Variants in RDH10 observed in about 807,000 individuals in gnomAD.
The protein encoded by RDH10 is retinol dehydrogenase 10, also known as retinol dehydrogenase 10 (all-trans).
In RDH10, 12 loss-of-function variants were observed where a neutral mutation model predicts 30.2. The observed-to-expected ratio is 0.40, with a 90% CI of 0.25 to 0.64. The LOEUF (loss-of-function observed/expected upper bound fraction) is 0.64, where lower values mean the gene tolerates loss of function less well. Ranked by LOEUF, RDH10 falls within the 30% of genes least tolerant of loss-of-function variation. RDH10 has a pLI of 0.43. For synonymous variants in RDH10, 189 were observed against 172.2 expected (o/e 1.10, Z -0.76); for missense variants, 268 against 445.2 (o/e 0.60, Z 3.58).
intron 2 of RDH10, among the ~76,000 whole-genome samples, chr8:73,298,764 G>T (rs4738316): frequency 0.014 from 2,113 of 152,236 alleles, 190 homozygotes; most frequent in Admixed American, 0.13. Flanking sequence ...CTGAGCTCAG[G>T]CAGTCCACCC....
chr8:73,322,687 T>C lies in RDH10; in HGVS notation c.779T>C (p.Ile260Thr), dbSNP rs1009581987. The change falls in exon 5 of 6, where the codon ATT (isoleucine) becomes ACT (threonine). Residue 260 changes from isoleucine (I) to threonine (T), a missense_variant. Physicochemically the swap from Ile to Thr is moderately conservative, Grantham distance 89. This residue lies in a region of RDH10 where 136 missense variants were observed against 288.8 expected (regional missense o/e 0.47). Coordinates refer to ENST00000240285, the MANE Select transcript of RDH10 (RefSeq NM_172037.5). ...MFRGCRIRKEIEPFLPPLKPD... is the reference protein window; with the variant it reads ...MFRGCRIRKETEPFLPPLKPD... ...GAATAAATAACTTTCAGGAAAGAAATTGAGCCTTTTCTGCCACCTCTGAAG... is the reference window on the plus strand; with the variant it reads ...GAATAAATAACTTTCAGGAAAGAAACTGAGCCTTTTCTGCCACCTCTGAAG... The C allele has an allele frequency of 6.2e-7, 1 of 1,608,914 alleles. No individual in the cohort carries two copies. Among genetic ancestry groups the C allele is most frequent in the Non-Finnish European group, 8.5e-7 (1 of 1,178,568 alleles).
intron 2 of RDH10, among the ~76,000 whole-genome samples, chr8:73,316,849 G>A (rs943864757): frequency 5.9e-5 from 9 of 152,104 alleles, no homozygotes; most frequent in African/African-American, 7.2e-5. Flanking sequence ...TAAACAACCC[G>A]ATCTCGCAAG....
chr8:73,297,458 C>A, intron 2 of RDH10, 29 bp downstream of exon 2: 1 of 1,485,886 alleles, frequency 6.7e-7, no homozygotes. Flanking sequence ...GTTTTCTTTG[C>A]TGGGCCCTCC....
intron 2 of RDH10, among the ~76,000 whole-genome samples, chr8:73,306,178 G>T (rs1397419056): frequency 6.6e-6 from 1 of 152,220 alleles, no homozygotes; most frequent in African/African-American, 2.4e-5. Context: ...TAGGCTGACA[G>T]AGCATGGCCT....
At chr8:73,296,876 C>A in intron 1 of RDH10, 1 of 358,042 alleles carries the variant, frequency 2.8e-6, no homozygotes, top group Admixed American at 3.8e-5. Flanking sequence ...GAGCTCTGGG[C>A]TGAGATCAGT....
intron 2 of RDH10, among the ~76,000 whole-genome samples, chr8:73,303,320 CT>C (rs1451116323): frequency 2.6e-5 from 4 of 152,216 alleles, no homozygotes; most frequent in Non-Finnish European, 5.9e-5. Context: ...ATCTCACATA[CT>C]GCATTCCTGT....
chr8:73,322,427 A>G (rs1814787951), intron 4 of RDH10: 3 of 430,640 alleles, frequency 7.0e-6, no homozygotes, highest in African/African-American at 2.0e-5. Context: ...GCATCTTAAA[A>G]ACATGACTTT....
chr8:73,322,585 C>T, intron 4 of RDH10, 94 bp from the exon 5 acceptor site: 1 of 1,062,092 alleles, frequency 9.4e-7, no homozygotes. Context: ...AATCCCATCA[C>T]TCAGATAACA....
chr8:73,303,259 A>G (rs181746912), intron 2 of RDH10, among the ~76,000 whole-genome samples: 121 of 152,314 alleles, frequency 7.9e-4, no homozygotes, highest in African/African-American at 2.7e-3. Context: ...TATCTCATAA[A>G]TGGTCCCTAA....
Position 73,294,709 on chromosome 8 carries a change from G to A in RDH10, c.-581G>A, listed in dbSNP as rs1402403436. The A allele has an allele frequency of 5.4e-6, 2 of 370,394 alleles. No individual in the cohort carries two copies. Among genetic ancestry groups the A allele is most frequent in the African/African-American group, 2.1e-5 (1 of 47,362 alleles). 22.9% of individuals were successfully genotyped at this position (370,394 alleles called of 1,614,324 possible). A position where few individuals can be genotyped will look rare whatever the true frequency, so the allele number is the denominator to read the frequency against. ...GGCCGGGGAACGCGAGCCCTCGGGGGCAGCTGCAAGGCGTTGGGCAGCGCT... is the reference window on the plus strand; with the variant it reads ...GGCCGGGGAACGCGAGCCCTCGGGGACAGCTGCAAGGCGTTGGGCAGCGCT... On this transcript the variant is annotated 5_prime_UTR_variant, in exon 1 of 6. Transcript: ENST00000240285.
At chr8:73,304,524 T>G (rs139324414) in intron 2 of RDH10, among the ~76,000 whole-genome samples, 2 of 152,308 alleles carry the variant, frequency 1.3e-5, no homozygotes, top group African/African-American at 4.8e-5. Context: ...ACCATATTGC[T>G]CACAGCGTGA....
chr8:73,322,640 G>A, intron 4 of RDH10, 39 bp from the exon 5 acceptor site: 1 of 1,537,176 alleles, frequency 6.5e-7, no homozygotes, highest in South Asian at 1.1e-5. Flanking sequence ...TTTCTATTGT[G>A]TTAATTTTTC....
At chr8:73,301,663 G>T (rs1466474172) in intron 2 of RDH10, among the ~76,000 whole-genome samples, 4 of 152,128 alleles carry the variant, frequency 2.6e-5, no homozygotes, top group African/African-American at 9.7e-5. Context: ...GGCTGAGGCA[G>T]GAGAATTGTT....
chr8:73,298,074 A>G (rs970095794), intron 2 of RDH10: 2 of 154,948 alleles, frequency 1.3e-5, no homozygotes, highest in African/African-American at 4.8e-5. Context: ...TAACCATTAA[A>G]CAATGTCATG....
chr8:73,305,332 G>T (rs142598418), intron 2 of RDH10, among the ~76,000 whole-genome samples: 239 of 152,292 alleles, frequency 1.6e-3, no homozygotes, highest in African/African-American at 5.3e-3. Flanking sequence ...ATGACAATCT[G>T]AGAAAATTTA....
intron 2 of RDH10, among the ~76,000 whole-genome samples, chr8:73,313,874 T>TTA (rs1394370762): frequency 6.6e-6 from 1 of 152,184 alleles, no homozygotes; most frequent in African/African-American, 2.4e-5. Flanking sequence ...TGTACTGCAT[T>TTA]TAGAGACCCC....
chr8:73,315,971 A>G (rs968232740), intron 2 of RDH10, among the ~76,000 whole-genome samples: 2 of 152,198 alleles, frequency 1.3e-5, no homozygotes, highest in African/African-American at 4.8e-5. Flanking sequence ...ACAATTAATC[A>G]TAACTAGATA....
rs1222193941 is a variant in RDH10 at position 73,324,248 on chromosome 8, A to G, written c.*1212A>G. ...ATGGCATATGTATGGAAGGGTGTAA[A>G]GATTCTTTTGAAAGGTTTATTCACA... On this transcript the variant is annotated 3_prime_UTR_variant, in exon 6 of 6. Transcript: ENST00000240285. 1 of 152,770 alleles carries G rather than the reference A, an allele frequency of 6.5e-6. No individual in the cohort carries two copies. The highest frequency in any genetic ancestry group is 1.9e-4 in the East Asian group (1 of 5,188). The allele number at this position is 152,770 out of a possible 1,614,324, so 9.5% of individuals were successfully genotyped here. A position where few individuals can be genotyped will look rare whatever the true frequency, so the allele number is the denominator to read the frequency against.
chr8:73,297,095 G>A, intron 1 of RDH10, 99 bp from the exon 2 acceptor site: 1 of 732,080 alleles, frequency 1.4e-6, no homozygotes, highest in South Asian at 1.6e-5. Flanking sequence ...TAGTATTTTT[G>A]TTTTGTGTGA....
Sources: gnomAD v4.1 joint callset for allele counts (sites outside exome capture counted in the v4.1 genomes callset) on GRCh38, gnomAD v4.1.1 for gene constraint, gnomAD v4.1.1 regional missense constraint, MANE v1.5 for transcripts, NCBI Gene and HGNC (gene_info 2026-07-23, HGNC 2026-07-21) for gene names.